Variants in ZNF415 observed in about 807,000 individuals in gnomAD.
ZNF415 encodes the protein zinc finger protein 415.
Under a neutral mutation model 7.3 loss-of-function variants are expected in ZNF415, and 5 were observed. That is an observed-to-expected ratio of 0.69 (90% confidence interval 0.36 to 1.44). ZNF415 has a LOEUF of 1.44. Among genes scored for constraint, ZNF415 ranks in the 40% most tolerant of loss-of-function variants. The pLI, the probability that ZNF415 is intolerant of heterozygous loss-of-function variation, is 0.04. For synonymous variants in ZNF415, 207 were observed against 226.3 expected (o/e 0.91, Z 0.77); for missense variants, 628 against 664.8 (o/e 0.94, Z 0.61).
intron 3 of ZNF415, among the ~76,000 whole-genome samples, chr19:53,113,146 A>G (rs1187679045): frequency 6.8e-6 from 1 of 146,164 alleles, no homozygotes; most frequent in East Asian, 2.0e-4. Context: ...AAAGATGTTC[A>G]TTTATACCAC....
intron 3 of ZNF415, chr19:53,115,747 T>G (rs771290290): frequency 7.7e-6 from 12 of 1,550,448 alleles, no homozygotes; most frequent in South Asian, 1.2e-5. Context: ...TTGGTTTTCT[T>G]GCTACTCGTA....
At position 53,108,602 on chromosome 19, in the gene ZNF415, T is replaced by C; in HGVS notation, c.1443A>G (p.Ser481=). 1 of 1,614,148 alleles carries C rather than the reference T, an allele frequency of 6.2e-7. No homozygotes were observed. The highest frequency in any genetic ancestry group is 8.5e-7 in the Non-Finnish European group (1 of 1,180,034). The change falls in exon 4 of 4, where the codon TCA becomes TCG. Residue 481 remains serine (S), a synonymous_variant. Transcript: ENST00000243643. ...GGATGACCTGATGGGTAGTTAGGCTTGAATGCACACTGAAGCCTTTGCCAC... is the reference window on the plus strand; with the variant it reads ...GGATGACCTGATGGGTAGTTAGGCTCGAATGCACACTGAAGCCTTTGCCAC... ...NQCGKGFSVH[S]SLTTHQVIHT...
intron 2 of ZNF415, among the ~76,000 whole-genome samples, chr19:53,119,346 G>A (rs1226059854): frequency 1.4e-5 from 2 of 146,636 alleles, no homozygotes; most frequent in East Asian, 2.0e-4. Flanking sequence ...TCTGGAGGCC[G>A]AGATGGGAGA....
At chr19:53,110,188 T>C (rs537903906) in intron 3 of ZNF415, among the ~76,000 whole-genome samples, 1 of 152,290 alleles carries the variant, frequency 6.6e-6, no homozygotes. Context: ...GAAAGGAGTA[T>C]TTTTTCACCT....
At chr19:53,111,109 G>A (rs192830053) in intron 3 of ZNF415, among the ~76,000 whole-genome samples, 1 of 152,228 alleles carries the variant, frequency 6.6e-6, no homozygotes, top group Non-Finnish European at 1.5e-5. Flanking sequence ...GTTGCAGATG[G>A]CGCGTTTGGG....
rs532590647 is a variant in ZNF415 at position 53,112,435 on chromosome 19, T to G, written c.137-2527A>C. On this transcript the variant is annotated intron_variant, in intron 3 of 3. Transcript: ENST00000243643. The stretch of plus-strand genomic sequence containing the variant: ...AGTCAGCTCTCATGGAAGGCAGCTA[T>G]GCTCACCACTACACCACCAATGCAT... Among the ~76,000 whole-genome samples, 132 of 152,278 alleles carry G rather than the reference T, an allele frequency of 8.7e-4. 1 individual carries two copies. The highest frequency in any genetic ancestry group is 9.0e-4 in the Non-Finnish European group (61 of 68,032).
In ZNF415 at chr19:53,113,400, G is replaced by A. The variant is rs1453378109; in HGVS notation, c.136+2913C>T. On this transcript the variant is annotated intron_variant, in intron 3 of 3. Coordinates refer to ENST00000243643, the MANE Select transcript of ZNF415 (RefSeq NM_018355.4). Reference sequence around the variant, plus strand: ...CGCACGCCTGTAGTCCCAGCTACACGGGAGGCTGAGGCAGGAGAATGGCGT... The same window carrying A: ...CGCACGCCTGTAGTCCCAGCTACACAGGAGGCTGAGGCAGGAGAATGGCGT... Among the ~76,000 whole-genome samples, 6 of 79,524 alleles carry A rather than the reference G, an allele frequency of 7.5e-5. 2 individuals are homozygous for A. Among genetic ancestry groups the A allele is most frequent in the Non-Finnish European group, 1.5e-4 (6 of 40,454 alleles). 52.2% of individuals were successfully genotyped at this position (79,524 alleles called of 152,430 possible). A position where few individuals can be genotyped will look rare whatever the true frequency, so the allele number is the denominator to read the frequency against.
intron 1 of ZNF415, among the ~76,000 whole-genome samples, chr19:53,131,568 A>G (rs1026134849): frequency 6.6e-6 from 1 of 151,764 alleles, no homozygotes; most frequent in Non-Finnish European, 1.5e-5. Flanking sequence ...CGTTCCGTAC[A>G]TCGCTCTCAT....
intron 1 of ZNF415, among the ~76,000 whole-genome samples, chr19:53,125,102 G>C (rs35392410): frequency 0.13 from 19,031 of 151,990 alleles, 1,477 homozygotes; most frequent in Middle Eastern, 0.17. Flanking sequence ...GGAGTGCAGT[G>C]GCGTGATCTC....
chr19:53,118,117 G>A (rs2087354011), intron 2 of ZNF415, among the ~76,000 whole-genome samples: 1 of 151,968 alleles, frequency 6.6e-6, no homozygotes, highest in South Asian at 2.1e-4. Flanking sequence ...ATGAAAAAAG[G>A]TATTATATGC....
chr19:53,121,077 CAAAAAAAA>C (rs58307730), intron 2 of ZNF415, among the ~76,000 whole-genome samples: 3 of 40,354 alleles, frequency 7.4e-5, no homozygotes, highest in African/African-American at 1.1e-4. Flanking sequence ...GAGGAAGACT[CAAAAAAAA>C]AAAAAAAAAA....
At chr19:53,131,952 C>G (rs930597045) in intron 1 of ZNF415, among the ~76,000 whole-genome samples, 2 of 152,022 alleles carry the variant, frequency 1.3e-5, no homozygotes, top group Non-Finnish European at 2.9e-5. Context: ...CCACACTGCC[C>G]TGTCTGCCCT....
intron 1 of ZNF415, among the ~76,000 whole-genome samples, chr19:53,127,817 C>T (rs983139385): frequency 6.7e-6 from 1 of 148,246 alleles, no homozygotes; most frequent in African/African-American, 2.5e-5. Flanking sequence ...GTGGAGGTTG[C>T]AGTGGGCCAG....
chr19:53,129,957 C>T (rs1033909888), intron 1 of ZNF415, among the ~76,000 whole-genome samples: 2 of 151,542 alleles, frequency 1.3e-5, no homozygotes, highest in Non-Finnish European at 2.9e-5. Flanking sequence ...CCCAGCTACT[C>T]AGGAGGCTGA....
intron 1 of ZNF415, among the ~76,000 whole-genome samples, 151 bp from the exon 2 acceptor site, chr19:53,122,894 C>G (rs1269647529): frequency 6.6e-6 from 1 of 152,148 alleles, no homozygotes; most frequent in East Asian, 1.9e-4. Flanking sequence ...GGACAAGAAA[C>G]TCCTACAGGA....
At chr19:53,122,479 AG>A in intron 2 of ZNF415, 182 bp downstream of exon 2, 1 of 1,558,458 alleles carries the variant, frequency 6.4e-7, no homozygotes, top group Admixed American at 1.9e-5. Flanking sequence ...TTCATGTCAC[AG>A]GGTCAGGGTG....
chr19:53,121,117 C>T lies in ZNF415; in HGVS notation c.15+1545G>A, dbSNP rs552019602. Among the ~76,000 whole-genome samples the T allele has an allele frequency of 7.4e-5, 10 of 135,896 alleles. No individual in the cohort carries two copies. In the South Asian group the frequency reaches 9.7e-4, roughly 13 times the overall value. The allele number at this position is 135,896 out of a possible 152,430, so 89.2% of individuals were successfully genotyped here. On this transcript the variant is annotated intron_variant, in intron 2 of 3. Coordinates refer to ENST00000243643, the MANE Select transcript of ZNF415 (RefSeq NM_018355.4). ...AAAAAAAAAAAGTCCTACAGCTGGC[C>T]GGGCACAGTGGCTCCCGCCCGTAAT... is the stretch of plus-strand genomic sequence containing the variant.
intron 3 of ZNF415, among the ~76,000 whole-genome samples, chr19:53,114,507 A>T (rs2086708832): frequency 6.6e-6 from 1 of 152,224 alleles, no homozygotes; most frequent in African/African-American, 2.4e-5. Flanking sequence ...CAAACTTAAG[A>T]GAAAACAAAA....
chr19:53,120,140 A>G (rs566346230), intron 2 of ZNF415, among the ~76,000 whole-genome samples: 18 of 152,288 alleles, frequency 1.2e-4, no homozygotes, highest in African/African-American at 4.3e-4. Flanking sequence ...TCAAAATACT[A>G]GCAAATTGAA....
Sources: gnomAD v4.1 joint callset for allele counts (sites outside exome capture counted in the v4.1 genomes callset) on GRCh38, gnomAD v4.1.1 for gene constraint, MANE v1.5 for transcripts, NCBI Gene and HGNC (gene_info 2026-07-23, HGNC 2026-07-21) for gene names.